EPB41L5: variants seen among roughly 807,000 people sequenced by gnomAD.
EPB41L5 encodes band 4.1-like protein 5.
EPB41L5 carries 55 observed loss-of-function variants against 106.6 expected under a neutral mutation model. That is an observed-to-expected ratio of 0.52 (90% CI 0.42 to 0.65). EPB41L5 has a LOEUF of 0.65. Ranked by LOEUF, EPB41L5 falls within the 30% of genes least tolerant of loss-of-function variation. EPB41L5 has a pLI of 0.00. For missense variants in EPB41L5, 871 were observed against 882.1 expected (o/e 0.99, Z 0.16); for synonymous variants, 297 against 306.7 (o/e 0.97, Z 0.33).
rs767196906 is a variant in EPB41L5 at position 120,093,264 on chromosome 2, C to G, written c.1166C>G (p.Pro389Arg). The change falls in exon 14 of 25, where the codon CCT becomes CGT. Residue 389 changes from proline to arginine, a missense_variant. Physicochemically the swap from Pro to Arg is moderately radical, Grantham distance 103. Coordinates refer to ENST00000263713, the MANE Select transcript of EPB41L5 (RefSeq NM_020909.4). ...CTTCTGTTAGCATGTGCTACAAAAC[C>G]TGAAGAACTTAGGTAAGTAATGTTT... ...TLQMKACATK[P>R]EELSVHNNVS... 8.1e-6 allele frequency: 13 copies of G among 1,613,482 alleles called. No individual in the cohort carries two copies. The highest frequency in any genetic ancestry group is 5.5e-5 in the South Asian group (5 of 91,056).
intron 3 of EPB41L5, among the ~76,000 whole-genome samples, chr2:120,048,706 T>G (rs1388093079): frequency 6.6e-6 from 1 of 152,202 alleles, no homozygotes; most frequent in African/African-American, 2.4e-5. Context: ...TTTTAATGTG[T>G]TTGCTCTTGC....
chr2:120,100,313 A>T, intron 15 of EPB41L5, 27 bp downstream of exon 15: 2 of 1,604,040 alleles, frequency 1.2e-6, no homozygotes, highest in Non-Finnish European at 1.7e-6. Context: ...CTTCTAAAAC[A>T]CTGGATCACC....
At chr2:120,093,218 T>G in intron 13 of EPB41L5, 31 bp from the exon 14 acceptor site, 1 of 1,601,438 alleles carries the variant, frequency 6.2e-7, no homozygotes, top group Non-Finnish European at 8.6e-7. Context: ...AAGATGAAAC[T>G]AATGAGGTGT....
chr2:120,071,597 C>G (rs779227158), intron 3 of EPB41L5, among the ~76,000 whole-genome samples: 1 of 152,160 alleles, frequency 6.6e-6, no homozygotes, highest in African/African-American at 2.4e-5. Context: ...ACCTATGGAA[C>G]AGAACAGAGG....
intron 16 of EPB41L5, chr2:120,105,326 A>G (rs1163473372): frequency 2.1e-6 from 2 of 960,092 alleles, no homozygotes; most frequent in African/African-American, 1.8e-5. Context: ...ATAGAAATTT[A>G]TAGATATTTT....
At chr2:120,076,469 A>ATTTT (rs1682243766) in intron 7 of EPB41L5, among the ~76,000 whole-genome samples, 1 of 24,256 alleles carries the variant, frequency 4.1e-5, no homozygotes, top group Non-Finnish European at 8.8e-5. Context: ...TAATTTTTGT[A>ATTTT]CTTTTTTTTT....
Position 120,167,931 on chromosome 2 carries a change from A to T in EPB41L5, c.2059A>T (p.Lys687Ter). The change falls in exon 24 of 25, where the codon AAG becomes TAG. Residue 687 changes from lysine to a stop codon, truncating the protein, a stop_gained. Coordinates refer to ENST00000263713, the MANE Select transcript of EPB41L5 (RefSeq NM_020909.4). LOFTEE classifies it high-confidence loss of function. Reference protein sequence around the residue: ...LAGCEMLLTGKEGHGNKDGIS... With the variant: ...LAGCEMLLTG Reference sequence around the variant, plus strand: ...GGGATGTGAAATGCTTTTGACAGGGAAGGAGGGACATGGTAATAAAGATGG... The same window carrying T: ...GGGATGTGAAATGCTTTTGACAGGGTAGGAGGGACATGGTAATAAAGATGG... 2.5e-6 allele frequency: 4 copies of T among 1,614,102 alleles called. No homozygotes were observed. Among genetic ancestry groups the T allele is most frequent in the Non-Finnish European group, 3.4e-6 (4 of 1,179,992 alleles).
chr2:120,152,229 G>A (rs1396573902), intron 20 of EPB41L5, among the ~76,000 whole-genome samples: 1 of 152,132 alleles, frequency 6.6e-6, no homozygotes, highest in Non-Finnish European at 1.5e-5. Flanking sequence ...ATGAAAAAGT[G>A]TTGCATTTTT....
intron 3 of EPB41L5, among the ~76,000 whole-genome samples, chr2:120,051,805 G>A (rs1337010529): frequency 4.1e-5 from 6 of 147,220 alleles, no homozygotes; most frequent in African/African-American, 1.2e-4. Flanking sequence ...GTTCTTATTC[G>A]GCCATCTTGG....
chr2:120,081,093 G>C (rs964980486), intron 10 of EPB41L5, among the ~76,000 whole-genome samples: 3 of 152,122 alleles, frequency 2.0e-5, no homozygotes, highest in African/African-American at 7.2e-5. Context: ...CTTTTGCTGT[G>C]CAGAAGCTCT....
chr2:120,020,462 A>C (rs1677843753), intron 2 of EPB41L5, among the ~76,000 whole-genome samples: 1 of 152,214 alleles, frequency 6.6e-6, no homozygotes, highest in African/African-American at 2.4e-5. Context: ...AGTGTTTTGA[A>C]GTCATCATTA....
intron 3 of EPB41L5, among the ~76,000 whole-genome samples, chr2:120,067,512 G>A (rs1262301464): frequency 1.3e-5 from 2 of 152,158 alleles, no homozygotes; most frequent in Non-Finnish European, 2.9e-5. Flanking sequence ...GTGGCATAAA[G>A]GAATTAATAA....
At chr2:120,106,688 A>T (rs1178000810) in intron 16 of EPB41L5, 16 of 985,274 alleles carry the variant, frequency 1.6e-5, no homozygotes, top group Admixed American at 6.2e-5. Flanking sequence ...TTACATTTTG[A>T]CTGTTTTTAC....
chr2:120,081,835 A>G (rs1682691314), intron 10 of EPB41L5, among the ~76,000 whole-genome samples: 2 of 152,046 alleles, frequency 1.3e-5, no homozygotes, highest in African/African-American at 4.8e-5. Flanking sequence ...ATCCCTTGTA[A>G]GTTGGATTCC....
intron 23 of EPB41L5, 83 bp downstream of exon 23, chr2:120,167,590 C>T: frequency 7.1e-7 from 1 of 1,407,620 alleles, no homozygotes; most frequent in African/African-American, 1.4e-5. Flanking sequence ...TTTGTTTTTC[C>T]TTAAAAACAT....
chr2:120,077,817 A>G lies in EPB41L5; in HGVS notation c.714+501A>G, dbSNP rs1340844577. Among the ~76,000 whole-genome samples, 3 of 152,158 alleles carry G rather than the reference A, an allele frequency of 2.0e-5. 1 individual carries two copies. Among genetic ancestry groups the G allele is most frequent in the South Asian group, 4.1e-4 (2 of 4,828 alleles). ...TGTATTAGTTCATTCTCGCACTGCT[A>G]TAAAGACATAAATTTATAAAGAGGT... is the stretch of plus-strand genomic sequence containing the variant. On this transcript the variant is annotated intron_variant, in intron 9 of 24. Coordinates refer to ENST00000263713, the MANE Select transcript of EPB41L5 (RefSeq NM_020909.4).
At position 120,073,158 on chromosome 2, in the gene EPB41L5, T is replaced by C; in HGVS notation, c.286-20T>C. On this transcript the variant is annotated intron_variant, in intron 3 of 24. Coordinates refer to ENST00000263713, the MANE Select transcript of EPB41L5 (RefSeq NM_020909.4). ...AAGTTCTGTCATCTGCTTAACTAAA[T>C]TTTTGTTTTTGTTTTTCAGCATTGG... The C allele has an allele frequency of 6.2e-7, 1 of 1,600,336 alleles. No homozygotes were observed. The highest frequency in any genetic ancestry group is 8.5e-7 in the Non-Finnish European group (1 of 1,176,602).
At chr2:120,023,704 T>C (rs902896151) in intron 2 of EPB41L5, among the ~76,000 whole-genome samples, 2 of 152,248 alleles carry the variant, frequency 1.3e-5, no homozygotes, top group African/African-American at 4.8e-5. Context: ...AGTAGTTTTT[T>C]CTAATTCTGT....
At chr2:120,110,920 G>T (rs1684701910) in intron 16 of EPB41L5, among the ~76,000 whole-genome samples, 1 of 152,088 alleles carries the variant, frequency 6.6e-6, no homozygotes, top group Admixed American at 6.5e-5. Context: ...GGGATTACAG[G>T]TGTGAGCCAC....
Sources: allele counts gnomAD v4.1 joint callset (sites outside exome capture counted in the v4.1 genomes callset), GRCh38; gene constraint gnomAD v4.1.1; transcripts MANE v1.5; gene names NCBI Gene and HGNC (gene_info 2026-07-23, HGNC 2026-07-21).